Variants in REPS2 observed in about 807,000 individuals in gnomAD.
REPS2 encodes the protein RALBP1 associated Eps domain containing 2.
Under a neutral mutation model 53.6 loss-of-function variants are expected in REPS2, and 23 were observed. The ratio of observed to expected loss-of-function variants is 0.43; its 90% CI spans 0.31 to 0.61. REPS2 has a LOEUF of 0.61. Among genes scored for constraint, REPS2 ranks in the 20% least tolerant of loss-of-function variants. The pLI is 0.11. For synonymous variants in REPS2, 238 were observed against 218.6 expected, an observed-to-expected ratio of 1.09 and a Z score of -0.78; for missense variants, 446 against 534.9, an observed-to-expected ratio of 0.83 and a Z score of 1.64.
At chrX:16,960,099 C>T (rs898643419) in intron 1 of REPS2, among the ~76,000 whole-genome samples, 1 of 111,510 alleles carries the variant, frequency 9.0e-6, no homozygotes, top group African/African-American at 3.3e-5. Flanking sequence ...TGTGGTGGCT[C>T]ACACCTATAA....
intron 1 of REPS2, among the ~76,000 whole-genome samples, chrX:16,970,887 A>G (rs1337986195): frequency 8.9e-6 from 1 of 112,524 alleles, no homozygotes; most frequent in Non-Finnish European, 1.9e-5. Context: ...TTATCAATTC[A>G]TGAGTTGACA....
In REPS2 at chrX:17,152,311, CATG is replaced by C. The variant is rs968349511; in HGVS notation, c.*4836_*4838del. 12 of 112,143 alleles carry C rather than the reference CATG, an allele frequency of 1.1e-4. No homozygotes were observed. The highest frequency in any genetic ancestry group is 3.9e-4 in the African/African-American group (12 of 30,857). The allele number at this position is 112,143 out of a possible 1,213,427, so 9.2% of individuals were successfully genotyped here. On this transcript the variant is annotated 3_prime_UTR_variant, in exon 18 of 18. Coordinates refer to ENST00000357277, the MANE Select transcript of REPS2 (RefSeq NM_004726.3). ...GTTATTTTCTACACATGCCAACACA[CATG>C]ATGATAAAGGAACCTTTTCTAGGAG...
chrX:17,172,194 T>G, the REPS2 span, among the ~76,000 whole-genome samples: 7 of 112,041 alleles, frequency 6.2e-5, no homozygotes, highest in Non-Finnish European at 9.4e-5. Context: ...TGCTGTTAGC[T>G]CTGTTATCCT....
chrX:17,084,516 T>G (rs1039451234), intron 13 of REPS2, among the ~76,000 whole-genome samples: 1 of 112,487 alleles, frequency 8.9e-6, no homozygotes, highest in African/African-American at 3.2e-5. Context: ...TTTATTTCAT[T>G]AGCAATTTAT....
chrX:16,959,273 A>G (rs970336869), intron 1 of REPS2, among the ~76,000 whole-genome samples: 3 of 111,466 alleles, frequency 2.7e-5, no homozygotes, highest in African/African-American at 9.8e-5. Flanking sequence ...CTGATTTTTA[A>G]TATTTTGTAG....
At position 17,015,587 on chromosome X, in the gene REPS2, G is replaced by A. The variant is rs746687584; in HGVS notation, c.398-6536G>A. 4.8e-3 allele frequency among the ~76,000 whole-genome samples: 516 copies of A among 106,456 alleles called. 3 individuals carry two copies. Among genetic ancestry groups the A allele is most frequent in the African/African-American group, 0.017 (494 of 29,175 alleles). The allele number at this position is 106,456 out of a possible 115,157, so 92.4% of individuals were successfully genotyped here. The stretch of plus-strand genomic sequence containing the variant: ...TTCCCCCACCCCACAACAGTCCCCG[G>A]TGTGTGATGTTCCCCTTCCTGTGTC... On this transcript the variant is annotated intron_variant, in intron 2 of 17. Coordinates refer to ENST00000357277, the MANE Select transcript of REPS2 (RefSeq NM_004726.3).
chrX:16,983,684 A>G (rs777833425), intron 1 of REPS2, among the ~76,000 whole-genome samples: 98 of 112,346 alleles, frequency 8.7e-4, no homozygotes, highest in Non-Finnish European at 1.6e-3. Context: ...TTGTATTTTC[A>G]GTAGAGATGG....
At chrX:17,058,651 G>A (rs2062109642) in intron 8 of REPS2, among the ~76,000 whole-genome samples, 1 of 111,247 alleles carries the variant, frequency 9.0e-6, no homozygotes, top group South Asian at 3.8e-4. Context: ...GGACTTTTAT[G>A]GAGACTGTCA....
chrX:17,183,607 C>T, the REPS2 span, among the ~76,000 whole-genome samples: 1 of 112,230 alleles, frequency 8.9e-6, no homozygotes, highest in African/African-American at 3.2e-5. Flanking sequence ...CTAGTCTAAG[C>T]AGCATCTTCC....
In REPS2 at chrX:17,149,141, A is replaced by G. The variant is rs1017251991; in HGVS notation, c.*1660A>G. 2.8e-4 allele frequency: 69 copies of G among 247,624 alleles called. No individual in the cohort carries two copies. The highest frequency in any genetic ancestry group is 1.5e-3 in the Middle Eastern group (1 of 687). The allele number at this position is 247,624 out of a possible 1,213,427, so 20.4% of individuals were successfully genotyped here. The stretch of plus-strand genomic sequence containing the variant: ...ATCATGAAACTTGAACTATTTTTCT[A>G]TTCCCTTTTTTTCTTCCCCATTTGC... On this transcript the variant is annotated 3_prime_UTR_variant, in exon 18 of 18. Transcript: ENST00000357277.
the REPS2 span, among the ~76,000 whole-genome samples, chrX:17,183,542 C>G: frequency 2.7e-5 from 3 of 112,137 alleles, no homozygotes; most frequent in African/African-American, 9.7e-5. Flanking sequence ...TGAGGCATTC[C>G]TTCTAAAATA....
At chrX:17,181,923 A>T in the REPS2 span, among the ~76,000 whole-genome samples, 1 of 111,642 alleles carries the variant, frequency 9.0e-6, no homozygotes, top group Non-Finnish European at 1.9e-5. Context: ...ATATTTTCCC[A>T]AAAATGGCCA....
At position 17,150,324 on chromosome X, in the gene REPS2, C is replaced by G. The variant is rs1361362209; in HGVS notation, c.*2843C>G. 3 of 112,316 alleles carry G rather than the reference C, an allele frequency of 2.7e-5. No homozygotes were observed. Among genetic ancestry groups the G allele is most frequent in the African/African-American group, 9.7e-5 (3 of 30,850 alleles). 9.3% of individuals were successfully genotyped at this position (112,316 alleles called of 1,213,427 possible). A position where few individuals can be genotyped will look rare whatever the true frequency, so the allele number is the denominator to read the frequency against. On this transcript the variant is annotated 3_prime_UTR_variant, in exon 18 of 18. Coordinates refer to ENST00000357277, the MANE Select transcript of REPS2 (RefSeq NM_004726.3). ...TATAGACAGAAGGTCAATGTTGTCCCCATCCATAGGGGTTGAATTACCTTG... is the reference window on the plus strand; with the variant it reads ...TATAGACAGAAGGTCAATGTTGTCCGCATCCATAGGGGTTGAATTACCTTG...
chrX:16,993,034 C>T (rs2061182036), intron 1 of REPS2, among the ~76,000 whole-genome samples: 1 of 112,072 alleles, frequency 8.9e-6, no homozygotes, highest in South Asian at 3.7e-4. Context: ...GACTATAGTC[C>T]ATGCTCTTTA....
At chrX:17,062,053 A>C (rs752788239) in intron 8 of REPS2, among the ~76,000 whole-genome samples, 1 of 112,671 alleles carries the variant, frequency 8.9e-6, no homozygotes, top group African/African-American at 3.2e-5. Flanking sequence ...AAACTACACT[A>C]GTAACATAGT....
chrX:16,976,381 A>G (rs929081104), intron 1 of REPS2, among the ~76,000 whole-genome samples: 1 of 110,720 alleles, frequency 9.0e-6, no homozygotes, highest in African/African-American at 3.3e-5. Context: ...GTACAAAGAG[A>G]GGTGAAATTA....
intron 1 of REPS2, among the ~76,000 whole-genome samples, chrX:16,990,279 A>AG (rs964768011): frequency 1.3e-4 from 14 of 111,296 alleles, no homozygotes; most frequent in Admixed American, 1.1e-3. Flanking sequence ...CCAGGGGTTG[A>AG]GGGGGCAAGG....
At chrX:17,129,104 T>C (rs1390687251) in intron 14 of REPS2, among the ~76,000 whole-genome samples, 1 of 111,679 alleles carries the variant, frequency 9.0e-6, no homozygotes, top group African/African-American at 3.3e-5. Context: ...AGCCATATTA[T>C]CGTGTTGGCA....
Position 16,969,499 on chromosome X carries a change from G to A in REPS2, c.273+22365G>A, listed in dbSNP as rs761715129. Among the ~76,000 whole-genome samples, 50 of 108,021 alleles carry A rather than the reference G, an allele frequency of 4.6e-4. 1 individual carries two copies. In the South Asian group the frequency reaches 0.019, roughly 41 times the overall value. 93.8% of individuals were successfully genotyped at this position (108,021 alleles called of 115,157 possible). ...GGCACCTCGGGAGGCCGAGGCTGGC[G>A]GATCACTCCCGGTTAGGAGCTGGAG... On this transcript the variant is annotated intron_variant, in intron 1 of 17. Coordinates refer to ENST00000357277, the MANE Select transcript of REPS2 (RefSeq NM_004726.3).
Sources: allele counts gnomAD v4.1 joint callset (sites outside exome capture counted in the v4.1 genomes callset), GRCh38; gene constraint gnomAD v4.1.1; transcripts MANE v1.5; gene names NCBI Gene and HGNC (gene_info 2026-07-23, HGNC 2026-07-21).